KSR2: variants seen among roughly 807,000 people sequenced by gnomAD.
KSR2 encodes the protein kinase suppressor of ras 2.
In KSR2, 25 loss-of-function variants were observed where a neutral mutation model predicts 107.8. The observed-to-expected ratio is 0.23, with a 90% CI of 0.17 to 0.32. KSR2 has a LOEUF of 0.32. Among genes scored for constraint, KSR2 ranks in the 10% least tolerant of loss-of-function variants. KSR2 has a pLI of 1.00. For synonymous variants in KSR2, 480 were observed against 507.0 expected (o/e 0.95, Z 0.71); for missense variants, 887 against 1,268.9 (o/e 0.70, Z 4.57).
intron 4 of KSR2, among the ~76,000 whole-genome samples, chr12:117,699,309 T>A (rs1013950871): frequency 6.6e-6 from 1 of 152,254 alleles, no homozygotes; most frequent in Non-Finnish European, 1.5e-5. Context: ...CTGAGTATTA[T>A]CCATGCATTA....
At chr12:117,902,387 G>T (rs1894711978) in intron 1 of KSR2, among the ~76,000 whole-genome samples, 1 of 151,670 alleles carries the variant, frequency 6.6e-6, no homozygotes, top group East Asian at 1.9e-4. Context: ...GAGCCTGGGA[G>T]GTGGAGGCTG....
At chr12:117,528,752 C>A (rs984585225) in intron 12 of KSR2, among the ~76,000 whole-genome samples, 1 of 152,176 alleles carries the variant, frequency 6.6e-6, no homozygotes, top group Admixed American at 6.5e-5. Context: ...CCTCCTCATG[C>A]CCAAAACCAA....
chr12:117,495,604 G>A (rs116927002), intron 14 of KSR2, among the ~76,000 whole-genome samples: 5 of 152,290 alleles, frequency 3.3e-5, no homozygotes, highest in East Asian at 1.9e-4. Context: ...AGCTGCCCAC[G>A]AGGGCACTGA....
At position 117,507,456 on chromosome 12, in the gene KSR2, G is replaced by C. The variant is rs545173565; in HGVS notation, c.2219+17396C>G. Among the ~76,000 whole-genome samples, 42 of 152,322 alleles carry C rather than the reference G, an allele frequency of 2.8e-4. 2 individuals carry two copies. In the South Asian group the frequency reaches 8.5e-3, roughly 31 times the overall value. On this transcript the variant is annotated intron_variant, in intron 14 of 19. Coordinates refer to ENST00000339824, the MANE Select transcript of KSR2 (RefSeq NM_173598.6). The stretch of plus-strand genomic sequence containing the variant: ...AGGGTTGACCAAAGGCTTTTACTAG[G>C]CTACTGAAACAGCAACATAAAGCCA...
chr12:117,625,767 C>T (rs1419318507), intron 5 of KSR2, among the ~76,000 whole-genome samples: 1 of 152,140 alleles, frequency 6.6e-6, no homozygotes, highest in African/African-American at 2.4e-5. Context: ...GGAATAGTTT[C>T]AGAAGGAATG....
intron 5 of KSR2, among the ~76,000 whole-genome samples, chr12:117,643,361 C>T (rs1454633787): frequency 1.3e-5 from 2 of 152,086 alleles, no homozygotes; most frequent in Admixed American, 6.5e-5. Context: ...ACAGGAGAAT[C>T]GCTTGAATCT....
chr12:117,773,977 G>C (rs918978885), intron 3 of KSR2, among the ~76,000 whole-genome samples: 1 of 152,208 alleles, frequency 6.6e-6, no homozygotes, highest in African/African-American at 2.4e-5. Context: ...ACTTCACAGT[G>C]CTAGGAACAG....
chr12:117,554,198 C>T (rs982862665), intron 9 of KSR2, among the ~76,000 whole-genome samples: 1 of 152,068 alleles, frequency 6.6e-6, no homozygotes, highest in Non-Finnish European at 1.5e-5. Flanking sequence ...TTTGGTACAG[C>T]CCCATCAGCA....
intron 7 of KSR2, among the ~76,000 whole-genome samples, chr12:117,578,070 G>A (rs1166017860): frequency 6.6e-6 from 1 of 152,136 alleles, no homozygotes; most frequent in African/African-American, 2.4e-5. Context: ...GGAAGAGAAA[G>A]GAAGCTTGGG....
Position 117,555,615 on chromosome 12 carries a change from G to A in KSR2, c.1394-322C>T, listed in dbSNP as rs576372627. ...ATACACGAGGTTCCTGATTTCTCAG[G>A]GCCTGTGATGAGCGGACAAGCTCAT... On this transcript the variant is annotated intron_variant, in intron 8 of 19. Transcript: ENST00000339824. Among the ~76,000 whole-genome samples the A allele has an allele frequency of 1.7e-3, 265 of 152,280 alleles. 3 individuals carry two copies. The highest frequency in any genetic ancestry group is 6.1e-3 in the African/African-American group (252 of 41,566).
intron 1 of KSR2, among the ~76,000 whole-genome samples, chr12:117,936,527 T>TAG (rs1566089596): frequency 0.01 from 1,218 of 119,526 alleles, 7 homozygotes; most frequent in African/African-American, 0.026. Context: ...ATTATTATTA[T>TAG]TATTATTAGT....
At chr12:117,801,717 A>T (rs1304859088) in intron 3 of KSR2, among the ~76,000 whole-genome samples, 1 of 152,172 alleles carries the variant, frequency 6.6e-6, no homozygotes, top group Admixed American at 6.5e-5. Flanking sequence ...ATCACCTCTC[A>T]TCAGGCCCTA....
At chr12:117,914,426 C>CAAA (rs34534591) in intron 1 of KSR2, among the ~76,000 whole-genome samples, 4 of 106,346 alleles carry the variant, frequency 3.8e-5, no homozygotes, top group South Asian at 5.7e-4. Context: ...GAGACTGTCT[C>CAAA]AAAAAAAAAA....
At chr12:117,966,609 T>TCACACACACA (rs1347077824) in intron 1 of KSR2, among the ~76,000 whole-genome samples, 3 of 98,216 alleles carry the variant, frequency 3.1e-5, no homozygotes, top group African/African-American at 1.3e-4. Context: ...TCTCTCTCTC[T>TCACACACACA]CTCACACGCG....
intron 3 of KSR2, among the ~76,000 whole-genome samples, chr12:117,834,664 G>T (rs929223893): frequency 6.6e-6 from 1 of 152,086 alleles, no homozygotes; most frequent in South Asian, 2.1e-4. Flanking sequence ...TCCTCCTCTG[G>T]GCTTCCCAGC....
intron 1 of KSR2, among the ~76,000 whole-genome samples, chr12:117,917,428 G>A (rs1305086928): frequency 2.0e-5 from 3 of 151,984 alleles, no homozygotes; most frequent in African/African-American, 7.3e-5. Context: ...TGTAGTCCTA[G>A]CTATTCAGGA....
At position 117,646,240 on chromosome 12, in the gene KSR2, A is replaced by T. The variant is rs536681282; in HGVS notation, c.1171+21234T>A. 6.0e-4 allele frequency among the ~76,000 whole-genome samples: 91 copies of T among 152,314 alleles called. 1 individual carries two copies. The highest frequency in any genetic ancestry group is 2.1e-3 in the African/African-American group (89 of 41,570). On this transcript the variant is annotated intron_variant, in intron 5 of 19. Transcript: ENST00000339824. ...GGTTAAATCCATGGATGTAAAATCC[A>T]TGAATACAGAGGGCCAGGGCTATTG...
At chr12:117,483,420 A>C (rs1029988804) in intron 16 of KSR2, among the ~76,000 whole-genome samples, 1 of 152,164 alleles carries the variant, frequency 6.6e-6, no homozygotes, top group Non-Finnish European at 1.5e-5. Flanking sequence ...GGTTCTCAAA[A>C]GCAGCTGAAA....
At chr12:117,964,909 C>A (rs1896747508) in intron 1 of KSR2, among the ~76,000 whole-genome samples, 1 of 152,250 alleles carries the variant, frequency 6.6e-6, no homozygotes, top group South Asian at 2.1e-4. Flanking sequence ...GCTGCCATCG[C>A]TGGCTGTCCA....
Sources: gnomAD v4.1 joint callset for allele counts (sites outside exome capture counted in the v4.1 genomes callset) on GRCh38, gnomAD v4.1.1 for gene constraint, MANE v1.5 for transcripts, NCBI Gene and HGNC (gene_info 2026-07-23, HGNC 2026-07-21) for gene names.